NPAS3: variants seen among roughly 807,000 people sequenced by gnomAD.
The protein encoded by NPAS3 is neuronal PAS domain protein 3, also known as neuronal PAS domain-containing protein 3.
Under a neutral mutation model 73.1 loss-of-function variants are expected in NPAS3, and 14 were observed. The observed-to-expected ratio is 0.19, with a 90% CI of 0.13 to 0.30. The LOEUF is 0.30. Among genes scored for constraint, NPAS3 ranks in the 10% least tolerant of loss-of-function variants. The pLI, the probability that NPAS3 is intolerant of heterozygous loss-of-function variation, is 1.00. For synonymous variants in NPAS3, 620 were observed against 541.5 expected (o/e 1.14, Z -2.01); for missense variants, 1,096 against 1,250.0 (o/e 0.88, Z 1.86).
chr14:32,937,670 G>A (rs761514809), upstream of NPAS3, among the ~76,000 whole-genome samples: 1 of 152,208 alleles, frequency 6.6e-6, no homozygotes, highest in Non-Finnish European at 1.5e-5. Context: ...CTTTACTGGA[G>A]TCGTAGAGAC....
chr14:33,675,785 A>G (rs2059745436), intron 5 of NPAS3, among the ~76,000 whole-genome samples: 1 of 152,226 alleles, frequency 6.6e-6, no homozygotes, highest in Non-Finnish European at 1.5e-5. Context: ...CTCGACTGCT[A>G]TCTCTGGCTG....
chr14:33,432,459 C>T (rs1227629804), intron 4 of NPAS3, among the ~76,000 whole-genome samples: 4 of 152,088 alleles, frequency 2.6e-5, no homozygotes, highest in Non-Finnish European at 4.4e-5. Flanking sequence ...CATGAAATTA[C>T]AATCTCTAGG....
At chr14:33,073,208 G>A (rs984157797) in intron 2 of NPAS3, among the ~76,000 whole-genome samples, 2 of 152,170 alleles carry the variant, frequency 1.3e-5, no homozygotes, top group Admixed American at 1.3e-4. Context: ...AATATTTATT[G>A]TCTCCTTTTG....
At chr14:33,246,537 C>CAAAAAA (rs56270689) in intron 3 of NPAS3, among the ~76,000 whole-genome samples, 10 of 103,198 alleles carry the variant, frequency 9.7e-5, no homozygotes, top group Non-Finnish European at 1.7e-4. Flanking sequence ...GACTTCATCT[C>CAAAAAA]AAAAAAAAAA....
intron 4 of NPAS3, among the ~76,000 whole-genome samples, chr14:33,381,280 A>G (rs552532123): frequency 2.0e-5 from 3 of 152,308 alleles, no homozygotes; most frequent in East Asian, 3.9e-4. Context: ...CTTCCGGAAG[A>G]TATTGTTACG....
chr14:33,664,245 C>A (rs919613019), intron 5 of NPAS3, among the ~76,000 whole-genome samples: 1 of 152,130 alleles, frequency 6.6e-6, no homozygotes, highest in Non-Finnish European at 1.5e-5. Context: ...CTTTGACAAA[C>A]CTGACAAAAG....
At chr14:33,532,588 G>A (rs756944567) in intron 4 of NPAS3, among the ~76,000 whole-genome samples, 57 of 152,038 alleles carry the variant, frequency 3.7e-4, no homozygotes, top group Non-Finnish European at 7.2e-4. Context: ...TTTGAACCCA[G>A]ACCTCCCTGA....
At chr14:33,469,752 G>A (rs374368865) in intron 4 of NPAS3, among the ~76,000 whole-genome samples, 1 of 152,100 alleles carries the variant, frequency 6.6e-6, no homozygotes, top group East Asian at 1.9e-4. Flanking sequence ...TGGTAAGCAG[G>A]CCACATTCTG....
intron 4 of NPAS3, among the ~76,000 whole-genome samples, chr14:33,540,825 T>C (rs918212187): frequency 1.3e-5 from 2 of 152,146 alleles, no homozygotes; most frequent in African/African-American, 4.8e-5. Context: ...AGACTGTCTA[T>C]TGGGGAAAAC....
At chr14:33,053,537 T>C (rs1056376568) in intron 1 of NPAS3, among the ~76,000 whole-genome samples, 5 of 152,208 alleles carry the variant, frequency 3.3e-5, no homozygotes, top group Admixed American at 1.3e-4. Context: ...ATTTGAACTT[T>C]TTCCTGGCAG....
chr14:33,211,681 A>T (rs921928654), intron 2 of NPAS3, among the ~76,000 whole-genome samples: 5 of 152,224 alleles, frequency 3.3e-5, no homozygotes, highest in Admixed American at 1.3e-4. Context: ...CACACACACA[A>T]TAATGCATAT....
intron 1 of NPAS3, among the ~76,000 whole-genome samples, chr14:33,037,907 A>T (rs2040223490): frequency 6.6e-6 from 1 of 152,138 alleles, no homozygotes; most frequent in African/African-American, 2.4e-5. Context: ...ATTTCTGTGG[A>T]TGCTTAGACT....
chr14:33,351,941 A>G (rs2045082152), intron 3 of NPAS3, among the ~76,000 whole-genome samples: 1 of 152,128 alleles, frequency 6.6e-6, no homozygotes, highest in Non-Finnish European at 1.5e-5. Flanking sequence ...AGAAATACCT[A>G]ATGTGGATGA....
intron 1 of NPAS3, among the ~76,000 whole-genome samples, chr14:32,943,796 C>T (rs922382872): frequency 3.3e-5 from 5 of 149,294 alleles, no homozygotes; most frequent in East Asian, 2.0e-4. Context: ...TCAAATGATT[C>T]TCCTGTCTCA....
intron 5 of NPAS3, among the ~76,000 whole-genome samples, chr14:33,666,954 C>T (rs892537359): frequency 6.6e-6 from 1 of 152,140 alleles, no homozygotes; most frequent in Non-Finnish European, 1.5e-5. Flanking sequence ...CATCACTGTT[C>T]AACAGAAACA....
rs549334690 is a variant in NPAS3, at chr14:33,543,515, G to A, written c.469-16606G>A. 8.5e-5 allele frequency among the ~76,000 whole-genome samples: 13 copies of A among 152,150 alleles called. No individual in the cohort carries two copies. The South Asian group carries it at 2.5e-3, about 29-fold the overall frequency. On this transcript the variant is annotated intron_variant, in intron 4 of 11. Transcript: ENST00000356141. The stretch of plus-strand genomic sequence containing the variant: ...AGATGTCTGTTTCCAGTATTTGGGG[G>A]GCATAGAAGAATTCCTTGAGGGAAA...
At chr14:32,988,447 TAA>T (rs2038184656) in intron 1 of NPAS3, among the ~76,000 whole-genome samples, 1 of 152,184 alleles carries the variant, frequency 6.6e-6, no homozygotes, top group African/African-American at 2.4e-5. Context: ...TTTTCTCCAT[TAA>T]AATGAAAATT....
intron 3 of NPAS3, among the ~76,000 whole-genome samples, chr14:33,308,878 A>G: frequency 6.6e-6 from 1 of 152,330 alleles, no homozygotes. Flanking sequence ...TAAGGATAGC[A>G]TTCTAGGAAA....
At chr14:33,692,351 C>T (rs1385435476) in intron 6 of NPAS3, among the ~76,000 whole-genome samples, 2 of 151,916 alleles carry the variant, frequency 1.3e-5, no homozygotes, top group African/African-American at 2.4e-5. Context: ...AAAAATGTTT[C>T]GAAAAGATTA....
Sources: gnomAD v4.1 joint callset for allele counts (sites outside exome capture counted in the v4.1 genomes callset) on GRCh38, gnomAD v4.1.1 for gene constraint, MANE v1.5 for transcripts, NCBI Gene and HGNC (gene_info 2026-07-23, HGNC 2026-07-21) for gene names.